NXPE2: variants seen among roughly 807,000 people sequenced by gnomAD.
NXPE2 encodes the protein neurexophilin and PC-esterase domain family member 2.
Under a neutral mutation model 34.4 loss-of-function variants are expected in NXPE2, and 34 were observed. That is an observed-to-expected ratio of 0.99 (90% CI 0.75 to 1.31). The LOEUF is 1.31. NXPE2 is among the 40% of genes most tolerant of loss of function. The pLI is 0.00. For synonymous variants in NXPE2, 235 were observed against 231.3 expected, an observed-to-expected ratio of 1.02 and a Z score of -0.15; for missense variants, 649 against 672.5, an observed-to-expected ratio of 0.97 and a Z score of 0.39.
chr11:114,571,227 C>T, the NXPE2 span: 11 of 1,613,848 alleles, frequency 6.8e-6, no homozygotes, highest in East Asian at 2.2e-5. Context: ...GAGGGCCCTT[C>T]GGATAAAAAC....
intron 3 of NXPE2, among the ~76,000 whole-genome samples, chr11:114,703,371 G>C (rs540194077): frequency 1.6e-4 from 24 of 152,334 alleles, no homozygotes; most frequent in Non-Finnish European, 2.4e-4. Context: ...GGTTCTCAAA[G>C]TAATGTCCGT....
the NXPE2 span, among the ~76,000 whole-genome samples, chr11:114,775,002 A>C: frequency 6.6e-6 from 1 of 152,222 alleles, no homozygotes; most frequent in African/African-American, 2.4e-5. Flanking sequence ...GAACTGTATG[A>C]AATTATAGTA....
chr11:114,702,693 CAG>C (rs1417764862), intron 3 of NXPE2, among the ~76,000 whole-genome samples: 1 of 152,094 alleles, frequency 6.6e-6, no homozygotes, highest in African/African-American at 2.4e-5. Context: ...AGTTGAATTG[CAG>C]AGTCAGAACG....
At chr11:114,710,851 C>G (rs994036638), downstream of NXPE2, among the ~76,000 whole-genome samples, 1 of 151,998 alleles carries the variant, frequency 6.6e-6, no homozygotes, top group African/African-American at 2.4e-5. Context: ...AGAAGGAATA[C>G]TAGTAAACCA....
At chr11:114,509,429 C>G in the NXPE2 span, among the ~76,000 whole-genome samples, 1 of 151,996 alleles carries the variant, frequency 6.6e-6, no homozygotes, top group East Asian at 1.9e-4. Context: ...GGGTGTATAC[C>G]CAAAGGAATA....
chr11:114,666,002 C>T, the NXPE2 span, among the ~76,000 whole-genome samples: 5 of 152,160 alleles, frequency 3.3e-5, no homozygotes, highest in African/African-American at 7.2e-5. Flanking sequence ...TACAGGTTTC[C>T]GATTCCAGTG....
the NXPE2 span, among the ~76,000 whole-genome samples, chr11:114,763,729 T>C: frequency 1.3e-5 from 2 of 152,138 alleles, no homozygotes; most frequent in African/African-American, 4.8e-5. Context: ...TTGGGAGGAG[T>C]TGACCATGCT....
chr11:114,657,548 G>T, the NXPE2 span, among the ~76,000 whole-genome samples: 2 of 151,728 alleles, frequency 1.3e-5, no homozygotes, highest in East Asian at 3.9e-4. Context: ...TAGCAATTAG[G>T]CCCACACTAG....
the NXPE2 span, among the ~76,000 whole-genome samples, chr11:114,581,990 T>C: frequency 1.3e-5 from 2 of 152,226 alleles, no homozygotes; most frequent in Non-Finnish European, 1.5e-5. Flanking sequence ...AGAGAATTTG[T>C]TGAGTTGCAG....
the NXPE2 span, among the ~76,000 whole-genome samples, chr11:114,745,604 T>C: frequency 6.6e-6 from 1 of 152,212 alleles, no homozygotes; most frequent in African/African-American, 2.4e-5. Flanking sequence ...TTATATTAAA[T>C]GTAATTCCAG....
the NXPE2 span, among the ~76,000 whole-genome samples, chr11:114,537,027 C>A: frequency 6.6e-6 from 1 of 151,950 alleles, no homozygotes. Context: ...TGCAAAAATC[C>A]GCAATAAAAT....
At chr11:114,628,005 C>T in the NXPE2 span, among the ~76,000 whole-genome samples, 3 of 151,660 alleles carry the variant, frequency 2.0e-5, no homozygotes, top group East Asian at 5.8e-4. Context: ...CACAGGAGCA[C>T]CTAGATTCAT....
At chr11:114,741,606 A>T in the NXPE2 span, among the ~76,000 whole-genome samples, 1 of 151,728 alleles carries the variant, frequency 6.6e-6, no homozygotes, top group East Asian at 1.9e-4. Flanking sequence ...GACTCCCTCT[A>T]TTGCATTTTT....
the NXPE2 span, among the ~76,000 whole-genome samples, chr11:114,663,504 G>A: frequency 9.2e-5 from 14 of 152,092 alleles, no homozygotes; most frequent in African/African-American, 3.4e-4. Context: ...CCACCCTTCA[G>A]TAGGGGTGTA....
chr11:114,574,616 G>T, the NXPE2 span, among the ~76,000 whole-genome samples: 1 of 151,962 alleles, frequency 6.6e-6, no homozygotes, highest in Admixed American at 6.6e-5. Flanking sequence ...TAAATTCCTG[G>T]AAATATACAA....
the NXPE2 span, among the ~76,000 whole-genome samples, chr11:114,627,000 C>T: frequency 6.6e-5 from 10 of 151,924 alleles, no homozygotes; most frequent in South Asian, 6.3e-4. Context: ...ACAAAGCCTC[C>T]GAGAAATATG....
At chr11:114,602,600 A>G in the NXPE2 span, among the ~76,000 whole-genome samples, 19 of 140,958 alleles carry the variant, frequency 1.3e-4, no homozygotes, top group South Asian at 3.7e-3. Flanking sequence ...TTACAGATTC[A>G]TATATAATAA....
chr11:114,710,040 C>G (rs975281483), downstream of NXPE2, among the ~76,000 whole-genome samples: 4 of 152,016 alleles, frequency 2.6e-5, no homozygotes, highest in African/African-American at 7.2e-5. Context: ...TAGGAAATAC[C>G]TGGAGACAAG....
the NXPE2 span, among the ~76,000 whole-genome samples, chr11:114,596,188 G>C: frequency 1.3e-5 from 2 of 152,242 alleles, no homozygotes; most frequent in African/African-American, 4.8e-5. Flanking sequence ...TTGCTGAATT[G>C]AACTAAAAGA....
Sources: allele counts gnomAD v4.1 joint callset (sites outside exome capture counted in the v4.1 genomes callset), GRCh38; gene constraint gnomAD v4.1.1; transcripts MANE v1.5; gene names NCBI Gene and HGNC (gene_info 2026-07-23, HGNC 2026-07-21).